The following GRIK2 variants were observed in gnomAD, a reference collection of about 807,000 sequenced individuals.
GRIK2 encodes glutamate receptor ionotropic, kainate 2.
Under a neutral mutation model 100.3 loss-of-function variants are expected in GRIK2, and 32 were observed. That is an observed-to-expected ratio of 0.32 (90% CI 0.24 to 0.43). The LOEUF is 0.43. GRIK2 is among the 20% of genes least tolerant of loss of function. The pLI, the probability that GRIK2 is intolerant of heterozygous loss-of-function variation, is 1.00. For synonymous variants in GRIK2, 417 were observed against 389.4 expected (o/e 1.07, Z -0.83); for missense variants, 843 against 1,114.9 (o/e 0.76, Z 3.47).
intron 2 of GRIK2, among the ~76,000 whole-genome samples, chr6:101,538,342 T>G (rs536517839): frequency 1.3e-5 from 2 of 151,886 alleles, no homozygotes; most frequent in Non-Finnish European, 3.0e-5. Flanking sequence ...GTGCATTATT[T>G]GATAATACTA....
intron 11 of GRIK2, among the ~76,000 whole-genome samples, chr6:101,861,500 T>C (rs1236428100): frequency 6.6e-6 from 1 of 152,166 alleles, no homozygotes; most frequent in Non-Finnish European, 1.5e-5. Flanking sequence ...CTATATGTTG[T>C]GAATGGCAGT....
At chr6:101,580,680 C>T (rs749334150) in intron 2 of GRIK2, among the ~76,000 whole-genome samples, 2 of 152,104 alleles carry the variant, frequency 1.3e-5, no homozygotes, top group Non-Finnish European at 2.9e-5. Context: ...CCACCCGAAC[C>T]TCTCTGCCCT....
chr6:101,472,369 T>A (rs368875520), intron 2 of GRIK2, among the ~76,000 whole-genome samples: 34 of 152,000 alleles, frequency 2.2e-4, no homozygotes, highest in African/African-American at 7.7e-4. Context: ...CCTTTTGTTC[T>A]GGTATTTTTC....
chr6:102,040,059 G>C (rs1368378310), intron 15 of GRIK2, among the ~76,000 whole-genome samples: 2 of 151,444 alleles, frequency 1.3e-5, no homozygotes, highest in African/African-American at 4.8e-5. Flanking sequence ...ATTCCAGTCA[G>C]TGAGTGTATA....
At chr6:101,680,861 G>A (rs190134300) in intron 5 of GRIK2, among the ~76,000 whole-genome samples, 158 of 152,162 alleles carry the variant, frequency 1.0e-3, no homozygotes, top group African/African-American at 3.6e-3. Context: ...ATTTTAATCC[G>A]AATATTATTG....
At chr6:101,614,937 C>T (rs1317853500) in intron 2 of GRIK2, among the ~76,000 whole-genome samples, 3 of 151,748 alleles carry the variant, frequency 2.0e-5, no homozygotes, top group Admixed American at 1.3e-4. Flanking sequence ...AAGAGAAAGG[C>T]ATTGACTAGG....
intron 10 of GRIK2, among the ~76,000 whole-genome samples, chr6:101,835,038 A>G (rs1782976962): frequency 6.7e-6 from 1 of 149,498 alleles, no homozygotes; most frequent in Admixed American, 6.9e-5. Context: ...ACATAAAGTC[A>G]ACTTCCACAT....
At chr6:101,538,495 A>T (rs1775828944) in intron 2 of GRIK2, among the ~76,000 whole-genome samples, 1 of 151,712 alleles carries the variant, frequency 6.6e-6, no homozygotes. Context: ...TGACTTTCTT[A>T]TACATAGTAG....
At chr6:101,858,399 T>C (rs1171488135) in intron 10 of GRIK2, among the ~76,000 whole-genome samples, 3 of 146,218 alleles carry the variant, frequency 2.1e-5, no homozygotes, top group Non-Finnish European at 3.0e-5. Flanking sequence ...TTTTTTTTTT[T>C]TTTTTTGAGA....
intron 16 of GRIK2, among the ~76,000 whole-genome samples, chr6:102,060,484 A>AAAC (rs1190171952): frequency 1.3e-5 from 2 of 150,760 alleles, no homozygotes; most frequent in African/African-American, 4.8e-5. Context: ...TATTTCATGG[A>AAAC]AACAGAAGAA....
intron 14 of GRIK2, among the ~76,000 whole-genome samples, chr6:102,002,242 A>G (rs1193638570): frequency 6.7e-6 from 1 of 149,586 alleles, no homozygotes. Context: ...TTGATTTTTT[A>G]AGCTAAATGC....
chr6:101,909,671 A>G (rs1393708458), intron 12 of GRIK2, among the ~76,000 whole-genome samples: 3 of 100,122 alleles, frequency 3.0e-5, no homozygotes, highest in Non-Finnish European at 6.0e-5. Context: ...TGCATAAAAT[A>G]TGTTCATTGC....
Position 101,448,386 on chromosome 6 carries a change from A to G in GRIK2, c.115+48994A>G, listed in dbSNP as rs965720767. On this transcript the variant is annotated intron_variant, in intron 2 of 16. Transcript: ENST00000369134. ...AAGTGTAAGAAGTTATTTATGGGGG[A>G]AAAATCTAAATATCACACATATTTA... Among the ~76,000 whole-genome samples the G allele has an allele frequency of 1.5e-4, 23 of 151,630 alleles. No individual in the cohort carries two copies. The Admixed American group carries it at 1.5e-3, about 10-fold the overall frequency.
chr6:101,567,466 A>C (rs1734933013), intron 2 of GRIK2, among the ~76,000 whole-genome samples: 1 of 151,862 alleles, frequency 6.6e-6, no homozygotes, highest in South Asian at 2.1e-4. Context: ...AAATCTCAAA[A>C]CTGATATTAT....
At chr6:101,668,259 T>C (rs1724836227) in intron 4 of GRIK2, among the ~76,000 whole-genome samples, 1 of 152,148 alleles carries the variant, frequency 6.6e-6, no homozygotes, top group Non-Finnish European at 1.5e-5. Flanking sequence ...TTTTCAATGT[T>C]CTCTGTACAG....
chr6:101,464,397 T>G (rs1379989575), intron 2 of GRIK2, among the ~76,000 whole-genome samples: 1 of 151,936 alleles, frequency 6.6e-6, no homozygotes, highest in Non-Finnish European at 1.5e-5. Flanking sequence ...TAGTCCCTCC[T>G]GAGCAGGAGC....
At chr6:101,522,326 G>T (rs1462204084) in intron 2 of GRIK2, among the ~76,000 whole-genome samples, 1 of 151,970 alleles carries the variant, frequency 6.6e-6, no homozygotes, top group Admixed American at 6.6e-5. Context: ...GAGTCTCTGT[G>T]TATTAATCCA....
At chr6:101,933,035 T>C (rs1354658131) in intron 14 of GRIK2, among the ~76,000 whole-genome samples, 3 of 151,984 alleles carry the variant, frequency 2.0e-5, no homozygotes, top group African/African-American at 7.2e-5. Context: ...CTCTTCAGAC[T>C]GAATCGTTGC....
intron 2 of GRIK2, among the ~76,000 whole-genome samples, chr6:101,416,807 TG>T (rs1274306715): frequency 2.0e-4 from 31 of 152,198 alleles, no homozygotes; most frequent in Admixed American, 2.0e-3. Flanking sequence ...CCATTGCCTT[TG>T]AGACAGACTA....
Sources: allele counts gnomAD v4.1 joint callset (sites outside exome capture counted in the v4.1 genomes callset), GRCh38; gene constraint gnomAD v4.1.1; transcripts MANE v1.5; gene names NCBI Gene and HGNC (gene_info 2026-07-23, HGNC 2026-07-21).